Variants in MCC observed in about 807,000 individuals in gnomAD.
MCC encodes the protein colorectal mutant cancer protein.
In MCC, 90 loss-of-function variants were observed where a neutral mutation model predicts 116.2. The ratio of observed to expected loss-of-function variants is 0.77; its 90% CI spans 0.65 to 0.92. MCC has a LOEUF of 0.92. MCC is among the 40% of genes least tolerant of loss of function. The pLI, the probability that MCC is intolerant of heterozygous loss-of-function variation, is 0.00. For missense variants in MCC, 1,516 were observed against 1,312.2 expected (o/e 1.16, Z -2.40); for synonymous variants, 578 against 510.5 (o/e 1.13, Z -1.78).
In MCC at chr5:113,488,348, C is replaced by G; in HGVS notation, c.67G>C (p.Gly23Arg). The G allele has an allele frequency of 1.4e-6, 2 of 1,446,760 alleles. No homozygotes were observed. Among genetic ancestry groups the G allele is most frequent in the Non-Finnish European group, 1.8e-6 (2 of 1,084,698 alleles). 89.6% of individuals were successfully genotyped at this position (1,446,760 alleles called of 1,614,324 possible). ...GTGTCGCTGCTGCTGCTGCTGCTGC[C>G]GCTGCCGCCGCCGCCGCCGCCGCTG... ...SSSGGGGGGS[G>R]SSSSSSDTSS... Residue 23 changes from glycine to arginine, a missense_variant, in exon 1 of 19, where the codon GGC becomes CGC. By Grantham distance (125) the Gly-to-Arg change is moderately radical. Coordinates refer to ENST00000408903, the MANE Select transcript of MCC (RefSeq NM_001085377.2).
chr5:113,143,469 C>A, intron 4 of MCC, 109 bp from the exon 5 acceptor site: 3 of 1,160,902 alleles, frequency 2.6e-6, no homozygotes, highest in African/African-American at 3.1e-5. Flanking sequence ...ACTGAGTATG[C>A]CCCAAATAAA....
At chr5:113,171,268 C>A (rs890614899) in intron 3 of MCC, among the ~76,000 whole-genome samples, 6 of 151,534 alleles carry the variant, frequency 4.0e-5, no homozygotes, top group Non-Finnish European at 7.4e-5. Context: ...TATGAGTTTA[C>A]ATCTCTGCCC....
At chr5:113,141,822 G>T (rs1031284451) in intron 5 of MCC, among the ~76,000 whole-genome samples, 1 of 152,196 alleles carries the variant, frequency 6.6e-6, no homozygotes, top group Non-Finnish European at 1.5e-5. Flanking sequence ...ATTTCTAGGT[G>T]ATGTGTATTT....
chr5:113,328,831 C>G (rs1767628496), intron 3 of MCC, among the ~76,000 whole-genome samples: 1 of 152,324 alleles, frequency 6.6e-6, no homozygotes. Context: ...ATCATCATTT[C>G]TGTTCCAATA....
intron 1 of MCC, among the ~76,000 whole-genome samples, chr5:113,393,030 G>C (rs905795488): frequency 2.6e-5 from 4 of 151,576 alleles, no homozygotes; most frequent in African/African-American, 9.8e-5. Flanking sequence ...ATTAATCAAA[G>C]GTTTAAAAAT....
intron 1 of MCC, among the ~76,000 whole-genome samples, chr5:113,487,687 C>T (rs1482309662): frequency 6.6e-6 from 1 of 152,244 alleles, no homozygotes; most frequent in African/African-American, 2.4e-5. Flanking sequence ...TAAATCAATA[C>T]TGGGTGGCAA....
At chr5:113,410,126 A>G (rs1025277382) in intron 1 of MCC, among the ~76,000 whole-genome samples, 1 of 152,186 alleles carries the variant, frequency 6.6e-6, no homozygotes, top group African/African-American at 2.4e-5. Context: ...ATCTTGCTGA[A>G]CATACTGTTT....
In MCC at chr5:113,101,913, C is replaced by A. The variant is rs1039255652; in HGVS notation, c.1224G>T (p.Arg408=). 1.9e-6 allele frequency: 3 copies of A among 1,613,836 alleles called. No individual in the cohort carries two copies. The East Asian group carries it at 6.7e-5, about 36-fold the overall frequency. Residue 408 remains arginine (R), a synonymous_variant, in exon 8 of 19, where the codon CGG becomes CGT. Coordinates refer to ENST00000408903, the MANE Select transcript of MCC (RefSeq NM_001085377.2). ...CTTCAGCCAGGTTGGGATACAGGTC[C>A]CGGCCAAGCACCCCCTCAATCTCCT... ...TVEEIEGVLG[R]DLYPNLAEER...
chr5:113,406,611 C>CT (rs1001416402), intron 1 of MCC, among the ~76,000 whole-genome samples: 3 of 152,054 alleles, frequency 2.0e-5, no homozygotes, highest in Non-Finnish European at 4.4e-5. Flanking sequence ...ATTAAACCAT[C>CT]TTTTTTTTCA....
At chr5:113,469,073 TTTC>T (rs1181676145) in intron 1 of MCC, among the ~76,000 whole-genome samples, 14 of 152,184 alleles carry the variant, frequency 9.2e-5, no homozygotes, top group African/African-American at 3.1e-4. Context: ...TCTTCTCTCT[TTTC>T]TTCTTTATTA....
chr5:113,132,832 C>G (rs546268056), intron 5 of MCC, among the ~76,000 whole-genome samples: 2 of 152,132 alleles, frequency 1.3e-5, no homozygotes, highest in Non-Finnish European at 2.9e-5. Context: ...GATAGTTACT[C>G]CAGCCAGTAG....
At chr5:113,312,291 A>G (rs1270542298) in intron 3 of MCC, among the ~76,000 whole-genome samples, 1 of 152,120 alleles carries the variant, frequency 6.6e-6, no homozygotes, top group Non-Finnish European at 1.5e-5. Context: ...AAAAAAACCT[A>G]TAAAACTGCA....
rs1750183883 is a variant in MCC at position 113,022,189 on chromosome 5, AAAAC to A, written c.*5109_*5112del. On this transcript the variant is annotated 3_prime_UTR_variant, in exon 19 of 19. Coordinates refer to ENST00000408903, the MANE Select transcript of MCC (RefSeq NM_001085377.2). ...CTGTATAAATAAATGGAGTTTTTAA[AAAAC>A]AATTCTATATCAAATAACGCAAAGT... 1 of 152,574 alleles carries A rather than the reference AAAAC, an allele frequency of 6.6e-6. No individual in the cohort carries two copies. The highest frequency in any genetic ancestry group is 1.5e-5 in the Non-Finnish European group (1 of 68,048). 9.5% of individuals were successfully genotyped at this position (152,574 alleles called of 1,614,324 possible). A position where few individuals can be genotyped will look rare whatever the true frequency, so the allele number is the denominator to read the frequency against.
intron 3 of MCC, among the ~76,000 whole-genome samples, chr5:113,207,736 T>C (rs897429057): frequency 2.6e-5 from 4 of 152,048 alleles, no homozygotes; most frequent in African/African-American, 9.7e-5. Context: ...ACCTACTGAG[T>C]GAAATGAGGT....
intron 1 of MCC, among the ~76,000 whole-genome samples, chr5:113,442,520 A>T (rs1007360116): frequency 6.6e-6 from 1 of 152,092 alleles, no homozygotes; most frequent in African/African-American, 2.4e-5. Flanking sequence ...CCATTTGTCA[A>T]TTTTGGCTTT....
Position 113,488,388 on chromosome 5 carries a change from A to AGCCGCTGCCGCCGCG in MCC, c.12_26dup (p.Ala6_Ala10dup), listed in dbSNP as rs1239743945. ...CGCCGCCGCTGCTGGAGCTCCCCGCAGCCGCTGCCGCCGCGGCCGCCATCA... is the reference window on the plus strand; with the variant it reads ...CGCCGCCGCTGCTGGAGCTCCCCGCAGCCGCTGCCGCCGCGGCCGCTGCCGCCGCGGCCGCCATCA... On this transcript the variant is annotated inframe_insertion, in exon 1 of 19. Transcript: ENST00000408903. The AGCCGCTGCCGCCGCG allele has an allele frequency of 4.9e-6, 7 of 1,417,422 alleles. No homozygotes were observed. Among genetic ancestry groups the AGCCGCTGCCGCCGCG allele is most frequent in the Non-Finnish European group, 6.4e-6 (7 of 1,097,166 alleles). The allele number at this position is 1,417,422 out of a possible 1,614,324, so 87.8% of individuals were successfully genotyped here.
chr5:113,199,166 C>T (rs993333240), intron 3 of MCC, among the ~76,000 whole-genome samples: 8 of 151,548 alleles, frequency 5.3e-5, no homozygotes, highest in Non-Finnish European at 7.4e-5. Flanking sequence ...AGCGAGACTC[C>T]GTCTCCAAAG....
At chr5:113,144,223 C>G (rs1384035623) in intron 4 of MCC, among the ~76,000 whole-genome samples, 1 of 152,140 alleles carries the variant, frequency 6.6e-6, no homozygotes, top group Non-Finnish European at 1.5e-5. Context: ...TTTCTGTAGC[C>G]AGAGTTTAAA....
chr5:113,066,947 G>A (rs954737788), intron 13 of MCC, among the ~76,000 whole-genome samples: 17 of 152,174 alleles, frequency 1.1e-4, no homozygotes, highest in Admixed American at 1.1e-3. Context: ...CTAAGGGGGT[G>A]TCCGGGGCTT....
Sources: gnomAD v4.1 joint callset for allele counts (sites outside exome capture counted in the v4.1 genomes callset) on GRCh38, gnomAD v4.1.1 for gene constraint, MANE v1.5 for transcripts, NCBI Gene and HGNC (gene_info 2026-07-23, HGNC 2026-07-21) for gene names.